Variants in RAB27A observed in about 807,000 individuals in gnomAD.
The protein encoded by RAB27A is ras-related protein Rab-27A.
A neutral mutation model predicts 20.8 loss-of-function variants in RAB27A; 17 were observed. The ratio of observed to expected loss-of-function variants is 0.82; its 90% CI spans 0.56 to 1.23. The LOEUF (loss-of-function observed/expected upper bound fraction) is 1.23. Ranked by LOEUF, RAB27A falls within the 50% of genes most tolerant of loss-of-function variation. The pLI is 0.00. For missense variants in RAB27A, 277 were observed against 266.7 expected, an observed-to-expected ratio of 1.04 and a Z score of -0.27; for synonymous variants, 85 against 92.8, an observed-to-expected ratio of 0.92 and a Z score of 0.48.
chr15:55,223,556 A>T (rs1462946660), intron 6 of RAB27A, among the ~76,000 whole-genome samples: 1 of 151,900 alleles, frequency 6.6e-6, no homozygotes, highest in Non-Finnish European at 1.5e-5. Flanking sequence ...CTCGCTCAAC[A>T]TGGAGGATTT....
rs1282590576 is a variant in RAB27A at position 55,261,415 on chromosome 15, T to A, written c.-23+8750A>T. On this transcript the variant is annotated intron_variant, in intron 2 of 6. Coordinates refer to ENST00000336787, the MANE Select transcript of RAB27A (RefSeq NM_183235.3). Reference sequence around the variant, plus strand: ...CTGTCTCAAAAAAAAATAAAAATAATAAATAAATAAACTCTAAGAAAAGAA... The same window carrying A: ...CTGTCTCAAAAAAAAATAAAAATAAAAAATAAATAAACTCTAAGAAAAGAA... Among the ~76,000 whole-genome samples, 3 of 150,252 alleles carry A rather than the reference T, an allele frequency of 2.0e-5. No individual in the cohort carries two copies. In the East Asian group the frequency reaches 6.0e-4, roughly 30 times the overall value.
chr15:55,263,362 C>T (rs1348111828), intron 2 of RAB27A, among the ~76,000 whole-genome samples: 1 of 147,752 alleles, frequency 6.8e-6, no homozygotes, highest in Non-Finnish European at 1.5e-5. Context: ...TTATATAAGT[C>T]GCTCCCGTCT....
intron 6 of RAB27A, chr15:55,206,340 T>A (rs1023185289): frequency 1.3e-6 from 1 of 758,376 alleles, no homozygotes; most frequent in African/African-American, 1.9e-5. Flanking sequence ...TAAATCTTTT[T>A]TCGTTTAAGT....
chr15:55,313,917 G>A lies in RAB27A; in HGVS notation c.-112+122C>T, dbSNP rs546899401. 2.8e-3 allele frequency: 431 copies of A among 153,154 alleles called. 2 individuals are homozygous for A. Among genetic ancestry groups the A allele is most frequent in the Non-Finnish European group, 4.5e-3 (310 of 68,938 alleles). 9.5% of individuals were successfully genotyped at this position (153,154 alleles called of 1,614,324 possible). The stretch of plus-strand genomic sequence containing the variant: ...GAACCCGGAAGGTGGAGGTTGCAGT[G>A]AGCTGACATCGTGCCACTGCACTCC... On this transcript the variant is annotated intron_variant, in intron 2 of 5. Coordinates refer to the RAB27A transcript ENST00000563262.
rs1894564464 is a variant in RAB27A at position 55,204,831 on chromosome 15, TATTAC to T, written c.*671_*675del. 1 of 153,170 alleles carries T rather than the reference TATTAC, an allele frequency of 6.5e-6. No individual in the cohort carries two copies. Among genetic ancestry groups the T allele is most frequent in the East Asian group, 1.9e-4 (1 of 5,186 alleles). 9.5% of individuals were successfully genotyped at this position (153,170 alleles called of 1,614,324 possible). Reference sequence around the variant, plus strand: ...ACAGAAGTCCCACTTTGGTTGCTCATATTACATTAAGCCAGCCTGCCCCACCCCAA... The same window carrying T: ...ACAGAAGTCCCACTTTGGTTGCTCATATTAAGCCAGCCTGCCCCACCCCAA... On this transcript the variant is annotated 3_prime_UTR_variant, in exon 7 of 7. Coordinates refer to ENST00000336787, the MANE Select transcript of RAB27A (RefSeq NM_183235.3).
chr15:55,295,965 C>T (rs1052294012), intron 2 of RAB27A, among the ~76,000 whole-genome samples: 5 of 150,414 alleles, frequency 3.3e-5, no homozygotes, highest in African/African-American at 1.2e-4. Context: ...GGTGTGACCT[C>T]GGCTCACTGC....
At chr15:55,287,882 T>C (rs1042839586) in intron 1 of RAB27A, among the ~76,000 whole-genome samples, 5 of 152,182 alleles carry the variant, frequency 3.3e-5, no homozygotes, top group African/African-American at 9.6e-5. Flanking sequence ...GGTAGTATGA[T>C]ACTAGCCTGA....
chr15:55,262,378 C>G (rs1435659779), intron 2 of RAB27A, among the ~76,000 whole-genome samples: 1 of 151,344 alleles, frequency 6.6e-6, no homozygotes, highest in Non-Finnish European at 1.5e-5. Flanking sequence ...CGTCTCTACT[C>G]AAAATACAAA....
At chr15:55,267,272 T>C (rs1385424839) in intron 2 of RAB27A, among the ~76,000 whole-genome samples, 1 of 152,182 alleles carries the variant, frequency 6.6e-6, no homozygotes, top group Non-Finnish European at 1.5e-5. Flanking sequence ...AAAGGAGGCC[T>C]GATAGGGTAT....
intron 6 of RAB27A, among the ~76,000 whole-genome samples, chr15:55,222,581 C>T (rs904549956): frequency 6.6e-6 from 1 of 152,306 alleles, no homozygotes; most frequent in Middle Eastern, 3.4e-3. Flanking sequence ...TCAAACCCCT[C>T]CAGAGTCTGG....
chr15:55,310,683 T>G (rs1208238713), intron 2 of RAB27A, among the ~76,000 whole-genome samples: 4 of 152,166 alleles, frequency 2.6e-5, no homozygotes, highest in African/African-American at 9.7e-5. Flanking sequence ...CCATTCCACC[T>G]GCTCCTCCTG....
intron 3 of RAB27A, among the ~76,000 whole-genome samples, chr15:55,234,145 G>C (rs1479831904): frequency 6.6e-6 from 1 of 152,144 alleles, no homozygotes; most frequent in African/African-American, 2.4e-5. Context: ...TGTAGTCTAA[G>C]GAGAAAGCCA....
In RAB27A at chr15:55,203,789, A is replaced by G. The variant is rs1167930406; in HGVS notation, c.*1718T>C. The G allele has an allele frequency of 6.6e-6, 1 of 151,986 alleles. No homozygotes were observed. Among genetic ancestry groups the G allele is most frequent in the Non-Finnish European group, 1.5e-5 (1 of 67,984 alleles). The allele number at this position is 151,986 out of a possible 1,614,324, so 9.4% of individuals were successfully genotyped here. Reference sequence around the variant, plus strand: ...ATACAATTCAAATGCACAGGCCTCCATGACTTCTTTGGAATTTAAAAGAAG... The same window carrying G: ...ATACAATTCAAATGCACAGGCCTCCGTGACTTCTTTGGAATTTAAAAGAAG... On this transcript the variant is annotated 3_prime_UTR_variant, in exon 7 of 7. Transcript: ENST00000336787.
chr15:55,301,645 CTTTTT>C (rs754262049), intron 2 of RAB27A, among the ~76,000 whole-genome samples: 5 of 117,606 alleles, frequency 4.3e-5, no homozygotes, highest in Non-Finnish European at 5.0e-5. Context: ...CCCTAAAAAT[CTTTTT>C]TTTTTTTTTT....
intron 6 of RAB27A, among the ~76,000 whole-genome samples, chr15:55,220,418 C>T (rs1459419594): frequency 2.0e-5 from 3 of 151,950 alleles, no homozygotes; most frequent in Admixed American, 6.6e-5. Context: ...TACAGGTGCC[C>T]GCCACCACAC....
At chr15:55,312,475 CT>C (rs1340713991) in intron 2 of RAB27A, among the ~76,000 whole-genome samples, 1 of 152,206 alleles carries the variant, frequency 6.6e-6, no homozygotes, top group Non-Finnish European at 1.5e-5. Flanking sequence ...AACTGCCAAA[CT>C]TTCCCAAAGT....
At chr15:55,270,348 A>T (rs897638707) in intron 1 of RAB27A, 64 bp from the exon 2 acceptor site, 3 of 152,202 alleles carry the variant, frequency 2.0e-5, no homozygotes, top group African/African-American at 7.2e-5. Flanking sequence ...TTTTCAAAAG[A>T]GTCTTTGGAA....
intron 3 of RAB27A, 21 bp downstream of exon 3, chr15:55,234,761 A>G (rs1156736651): frequency 4.4e-6 from 7 of 1,593,976 alleles, no homozygotes; most frequent in Admixed American, 3.3e-5. Flanking sequence ...ACATTTTTAC[A>G]TAGAAGGATA....
chr15:55,212,823 C>T (rs1207297718), intron 6 of RAB27A, among the ~76,000 whole-genome samples: 1 of 152,224 alleles, frequency 6.6e-6, no homozygotes, highest in African/African-American at 2.4e-5. Flanking sequence ...GCCACCGCAC[C>T]CAGCCCATCA....
Sources: gnomAD v4.1 joint callset for allele counts (sites outside exome capture counted in the v4.1 genomes callset) on GRCh38, gnomAD v4.1.1 for gene constraint, MANE v1.5 for transcripts, NCBI Gene and HGNC (gene_info 2026-07-23, HGNC 2026-07-21) for gene names.